Variants in ERC2 observed in about 807,000 individuals in gnomAD.
ERC2 encodes the protein ERC protein 2.
In ERC2, 42 loss-of-function variants were observed where a neutral mutation model predicts 114.8. That is an observed-to-expected ratio of 0.37 (90% CI 0.29 to 0.47). The LOEUF (loss-of-function observed/expected upper bound fraction) is 0.47, where lower values mean the gene tolerates loss of function less well. ERC2 is among the 20% of genes least tolerant of loss of function. The pLI, the probability that ERC2 is intolerant of heterozygous loss-of-function variation, is 0.99. For synonymous variants in ERC2, 454 were observed against 425.5 expected (o/e 1.07, Z -0.82); for missense variants, 939 against 1,150.7 (o/e 0.82, Z 2.66).
intron 3 of ERC2, among the ~76,000 whole-genome samples, chr3:56,217,816 G>A (rs964579476): frequency 6.6e-6 from 1 of 152,106 alleles, no homozygotes; most frequent in Non-Finnish European, 1.5e-5. Context: ...ACAGAACAGA[G>A]CCCTCAGAAA....
chr3:56,303,289 G>A (rs1025104342), intron 2 of ERC2, among the ~76,000 whole-genome samples: 1 of 152,132 alleles, frequency 6.6e-6, no homozygotes, highest in African/African-American at 2.4e-5. Flanking sequence ...AAACTTAGTT[G>A]CATACTTTAA....
chr3:56,416,884 G>A (rs181883211), intron 2 of ERC2, among the ~76,000 whole-genome samples: 3 of 152,216 alleles, frequency 2.0e-5, no homozygotes, highest in African/African-American at 7.2e-5. Context: ...TCATCATATT[G>A]TTTGACCTTC....
intron 14 of ERC2, among the ~76,000 whole-genome samples, chr3:55,773,804 G>T (rs1467576273): frequency 6.6e-6 from 1 of 152,228 alleles, no homozygotes; most frequent in Non-Finnish European, 1.5e-5. Flanking sequence ...CTTCTTGCAA[G>T]TGCACAGAGA....
At chr3:56,179,416 T>A (rs1334760215) in intron 3 of ERC2, among the ~76,000 whole-genome samples, 3 of 152,130 alleles carry the variant, frequency 2.0e-5, no homozygotes, top group Non-Finnish European at 1.5e-5. Flanking sequence ...AGGCAAACCA[T>A]GACATGAGGC....
chr3:56,273,258 C>CTTTTTTT (rs1206517864), intron 3 of ERC2, among the ~76,000 whole-genome samples: 2 of 94,742 alleles, frequency 2.1e-5, no homozygotes, highest in Non-Finnish European at 4.8e-5. Flanking sequence ...CTTTTTTTTT[C>CTTTTTTT]TTTCTTTTTT....
intron 17 of ERC2, among the ~76,000 whole-genome samples, chr3:55,543,383 A>C (rs1036016550): frequency 6.6e-6 from 1 of 152,240 alleles, no homozygotes; most frequent in African/African-American, 2.4e-5. Flanking sequence ...CAAGAAAAAC[A>C]TCCCGATGAA....
chr3:55,575,697 C>A (rs1284249889), intron 17 of ERC2, among the ~76,000 whole-genome samples: 9 of 152,170 alleles, frequency 5.9e-5, no homozygotes, highest in Non-Finnish European at 8.8e-5. Context: ...TCCAGGCCTT[C>A]TCCAGCTCCA....
intron 14 of ERC2, among the ~76,000 whole-genome samples, chr3:55,822,446 A>G (rs2060161872): frequency 6.6e-6 from 1 of 152,180 alleles, no homozygotes; most frequent in South Asian, 2.1e-4. Flanking sequence ...ATGTACAGCA[A>G]TGAAAGTAGG....
At chr3:56,152,391 C>A (rs1053340106) in intron 4 of ERC2, among the ~76,000 whole-genome samples, 2 of 134,706 alleles carry the variant, frequency 1.5e-5, no homozygotes, top group Non-Finnish European at 3.2e-5. Flanking sequence ...GGAAAACTTG[C>A]CACAATCATC....
At chr3:56,020,062 A>G (rs2073599052) in intron 7 of ERC2, among the ~76,000 whole-genome samples, 1 of 152,168 alleles carries the variant, frequency 6.6e-6, no homozygotes, top group Admixed American at 6.5e-5. Context: ...TAATCCAAAT[A>G]ATAATAATAG....
intron 13 of ERC2, among the ~76,000 whole-genome samples, chr3:55,941,705 A>C (rs2066808106): frequency 6.6e-6 from 1 of 152,198 alleles, no homozygotes; most frequent in Non-Finnish European, 1.5e-5. Context: ...CTTGTTTTCC[A>C]TCACAAGAGA....
At chr3:56,153,608 T>C (rs892160788) in intron 4 of ERC2, among the ~76,000 whole-genome samples, 4 of 152,172 alleles carry the variant, frequency 2.6e-5, no homozygotes, top group Non-Finnish European at 4.4e-5. Flanking sequence ...GGAGTATCTT[T>C]GCTAGTCAGG....
Position 56,144,670 on chromosome 3 carries a change from C to T in ERC2, c.1305+4307G>A, listed in dbSNP as rs559239278. The stretch of plus-strand genomic sequence containing the variant: ...AAGGGCATGGCAGGGTCTACATACA[C>T]CTCCTTTAGTCAATAAAAATAGATT... On this transcript the variant is annotated intron_variant, in intron 5 of 17. Transcript: ENST00000288221. Among the ~76,000 whole-genome samples, 25 of 152,296 alleles carry T rather than the reference C, an allele frequency of 1.6e-4. 1 individual carries two copies. In the South Asian group the frequency reaches 3.1e-3, roughly 19 times the overall value.
chr3:55,702,839 C>A (rs970930), intron 15 of ERC2, among the ~76,000 whole-genome samples: 44,894 of 152,036 alleles, frequency 0.3, 9,233 homozygotes, highest in African/African-American at 0.57. Context: ...CAAAACTAAA[C>A]ACCCAGGAAA....
At chr3:56,178,833 A>G (rs2083126669) in intron 3 of ERC2, among the ~76,000 whole-genome samples, 1 of 152,134 alleles carries the variant, frequency 6.6e-6, no homozygotes, top group South Asian at 2.1e-4. Flanking sequence ...TAAATGTTAT[A>G]AAGGAAAATA....
intron 14 of ERC2, among the ~76,000 whole-genome samples, chr3:55,872,613 A>G (rs1167323222): frequency 2.0e-5 from 3 of 152,162 alleles, no homozygotes; most frequent in Admixed American, 6.5e-5. Context: ...TCATATTGGA[A>G]TCAGTTGCAT....
chr3:56,413,823 C>A (rs770726136), intron 2 of ERC2, among the ~76,000 whole-genome samples: 4 of 152,130 alleles, frequency 2.6e-5, no homozygotes, highest in Admixed American at 6.5e-5. Flanking sequence ...GAAATTTCTC[C>A]CCCAAACCAA....
intron 16 of ERC2, among the ~76,000 whole-genome samples, chr3:55,687,088 C>T (rs187970167): frequency 4.1e-4 from 63 of 152,278 alleles, no homozygotes; most frequent in South Asian, 3.1e-3. Context: ...CCAGATGCTG[C>T]GCCCTAATGG....
At chr3:55,698,956 A>C (rs1026287151) in intron 16 of ERC2, among the ~76,000 whole-genome samples, 1 of 152,118 alleles carries the variant, frequency 6.6e-6, no homozygotes, top group Non-Finnish European at 1.5e-5. Context: ...TTGTTGTTTT[A>C]CCTCACCATT....
Sources: gnomAD v4.1 joint callset for allele counts (sites outside exome capture counted in the v4.1 genomes callset) on GRCh38, gnomAD v4.1.1 for gene constraint, MANE v1.5 for transcripts, NCBI Gene and HGNC (gene_info 2026-07-23, HGNC 2026-07-21) for gene names.